CCDC117: variants seen among roughly 807,000 people sequenced by gnomAD.
CCDC117 encodes the protein coiled-coil domain containing 117, also known as coiled-coil domain-containing protein 117.
In CCDC117, 1 loss-of-function variant was observed where a neutral mutation model predicts 23.5. That is an observed-to-expected ratio of 0.04 (90% CI 0.02 to 0.20). The LOEUF (loss-of-function observed/expected upper bound fraction) is 0.20, where lower values mean the gene tolerates loss of function less well. Ranked by LOEUF, CCDC117 falls within the 10% of genes least tolerant of loss-of-function variation. The pLI is 1.00. For missense variants in CCDC117, 383 were observed against 348.2 expected (o/e 1.10, Z -0.80); for synonymous variants, 132 against 124.8 (o/e 1.06, Z -0.39).
chr22:28,777,210 A>G (rs2031190410), intron 2 of CCDC117, among the ~76,000 whole-genome samples: 1 of 151,364 alleles, frequency 6.6e-6, no homozygotes, highest in East Asian at 2.0e-4. Context: ...TATCTTTGGT[A>G]CAGACGGGGT....
chr22:28,784,958 T>G (rs913596222), intron 4 of CCDC117, among the ~76,000 whole-genome samples: 1 of 151,370 alleles, frequency 6.6e-6, no homozygotes, highest in East Asian at 2.0e-4. Context: ...TTTAGTAGAG[T>G]TGGAGTTTTC....
At position 28,787,929 on chromosome 22, in the gene CCDC117, C is replaced by T. The variant is rs958558875; in HGVS notation, c.*1603C>T. Reference sequence around the variant, plus strand: ...GAATTTTTAGAAACCACCTTCTAGGCGTTTTTGGAACCCTTACTGAAATCC... The same window carrying T: ...GAATTTTTAGAAACCACCTTCTAGGTGTTTTTGGAACCCTTACTGAAATCC... On this transcript the variant is annotated 3_prime_UTR_variant, in exon 5 of 5. Transcript: ENST00000249064. The T allele has an allele frequency of 3.3e-5, 5 of 152,516 alleles. No homozygotes were observed. Among genetic ancestry groups the T allele is most frequent in the African/African-American group, 7.2e-5 (3 of 41,416 alleles). The allele number at this position is 152,516 out of a possible 1,614,324, so 9.4% of individuals were successfully genotyped here. A position where few individuals can be genotyped will look rare whatever the true frequency, so the allele number is the denominator to read the frequency against.
In CCDC117 at chr22:28,788,809, A is replaced by C. The variant is rs532923500; in HGVS notation, c.*2483A>C. The C allele has an allele frequency of 6.5e-6, 1 of 152,712 alleles. No homozygotes were observed. The highest frequency in any genetic ancestry group is 2.1e-4 in the South Asian group (1 of 4,826). 9.5% of individuals were successfully genotyped at this position (152,712 alleles called of 1,614,324 possible). A position where few individuals can be genotyped will look rare whatever the true frequency, so the allele number is the denominator to read the frequency against. ...TGCCTTAAGAGTTCCCTAGGGAGTT[A>C]CCAGGGCTTTTCGTTTTGTGTAGCT... On this transcript the variant is annotated 3_prime_UTR_variant, in exon 5 of 5. Transcript: ENST00000249064.
In CCDC117 at chr22:28,772,924, G is replaced by A. The variant is rs2031028348; in HGVS notation, c.75G>A (p.Pro25=). The change falls in exon 1 of 5, where the codon CCG becomes CCA. Residue 25 remains proline, a synonymous_variant. Transcript: ENST00000249064. The part of the protein sequence containing the change: ...GGSDFLQPPQ[P]AFPGRAFPPG... ...CGGACTTCCTGCAGCCGCCGCAGCC[G>A]GCCTTCCCCGGCCGGGCCTTCCCGC... 3 of 1,224,232 alleles carry A rather than the reference G, an allele frequency of 2.5e-6. No homozygotes were observed. Among genetic ancestry groups the A allele is most frequent in the East Asian group, 6.5e-5 (2 of 30,564 alleles). The allele number at this position is 1,224,232 out of a possible 1,614,324, so 75.8% of individuals were successfully genotyped here.
intron 3 of CCDC117, among the ~76,000 whole-genome samples, chr22:28,782,920 G>A (rs957453241): frequency 1.3e-5 from 2 of 152,066 alleles, no homozygotes; most frequent in Admixed American, 6.6e-5. Context: ...ACTACTGAGC[G>A]TTTTCACTTA....
chr22:28,773,830 C>G, intron 2 of CCDC117, 52 bp downstream of exon 2: 2 of 1,352,722 alleles, frequency 1.5e-6, no homozygotes, highest in Non-Finnish European at 2.1e-6. Context: ...AGTTGAACCC[C>G]TGTTATAGTC....
Position 28,788,346 on chromosome 22 carries a change from G to T in CCDC117, c.*2020G>T, listed in dbSNP as rs1040567238. The T allele has an allele frequency of 6.6e-6, 1 of 152,592 alleles. No homozygotes were observed. Among genetic ancestry groups the T allele is most frequent in the African/African-American group, 2.4e-5 (1 of 41,420 alleles). The allele number at this position is 152,592 out of a possible 1,614,324, so 9.5% of individuals were successfully genotyped here. A position where few individuals can be genotyped will look rare whatever the true frequency, so the allele number is the denominator to read the frequency against. On this transcript the variant is annotated 3_prime_UTR_variant, in exon 5 of 5. Transcript: ENST00000249064. ...CTAATGCAACACAAAAACATGAAGTGACTGCCCAGAGGTAGAGTTAGTGTT... is the reference window on the plus strand; with the variant it reads ...CTAATGCAACACAAAAACATGAAGTTACTGCCCAGAGGTAGAGTTAGTGTT...
chr22:28,780,042 G>A (rs2031273878), intron 2 of CCDC117, among the ~76,000 whole-genome samples: 2 of 152,194 alleles, frequency 1.3e-5, no homozygotes, highest in Admixed American at 6.5e-5. Context: ...AGTAAAAATG[G>A]CATGGAGATA....
In CCDC117 at chr22:28,780,978, A is replaced by G; in HGVS notation, c.270A>G (p.Glu90=). ...CAGTAAGAAAGAAAAGGATAACTGA[A>G]GCAGAGCTCTGTGCTGGTCCTAATG... ...DCPVRKKRIT[E]AELCAGPNDW... is the part of the protein sequence containing the mutation. The change falls in exon 3 of 5, where the codon GAA becomes GAG. Residue 90 remains glutamate, a synonymous_variant. Transcript: ENST00000249064. 2 of 1,613,910 alleles carry G rather than the reference A, an allele frequency of 1.2e-6. No individual in the cohort carries two copies.
At chr22:28,778,098 G>C (rs1039727626) in intron 2 of CCDC117, among the ~76,000 whole-genome samples, 7 of 151,914 alleles carry the variant, frequency 4.6e-5, no homozygotes, top group Non-Finnish European at 7.4e-5. Context: ...GCCCGCCTCG[G>C]CCTCCCAAAG....
intron 2 of CCDC117, 100 bp from the exon 3 acceptor site, chr22:28,780,848 G>C (rs1354816463): frequency 1.2e-6 from 1 of 816,626 alleles, no homozygotes; most frequent in East Asian, 2.7e-5. Flanking sequence ...TGTCAAAAAA[G>C]CTAGTTTTTT....
intron 4 of CCDC117, among the ~76,000 whole-genome samples, chr22:28,785,107 G>T (rs559707176): frequency 4.0e-5 from 6 of 151,834 alleles, no homozygotes; most frequent in Non-Finnish European, 8.8e-5. Flanking sequence ...TTTTTGCTTC[G>T]TCTTTGGGCC....
At chr22:28,776,260 T>C (rs528714886) in intron 2 of CCDC117, among the ~76,000 whole-genome samples, 3 of 151,884 alleles carry the variant, frequency 2.0e-5, no homozygotes, top group South Asian at 4.2e-4. Flanking sequence ...TACAAAGAAA[T>C]AGCTGGTGTG....
At position 28,786,853 on chromosome 22, in the gene CCDC117, A is replaced by G. The variant is rs1341667518; in HGVS notation, c.*527A>G. ...GAAATTTAATTTCTTAGCAACTTGT[A>G]ATTTAGTTATCAATTCAATATAGCT... On this transcript the variant is annotated 3_prime_UTR_variant, in exon 5 of 5. Transcript: ENST00000249064. The G allele has an allele frequency of 6.5e-6, 1 of 153,362 alleles. No individual in the cohort carries two copies. The highest frequency in any genetic ancestry group is 1.9e-4 in the East Asian group (1 of 5,206). 9.5% of individuals were successfully genotyped at this position (153,362 alleles called of 1,614,324 possible). A position where few individuals can be genotyped will look rare whatever the true frequency, so the allele number is the denominator to read the frequency against.
In CCDC117 at chr22:28,789,280, T is replaced by A. The variant is rs896422304; in HGVS notation, c.*2954T>A. 1.3e-5 allele frequency: 2 copies of A among 152,220 alleles called. No homozygotes were observed. The highest frequency in any genetic ancestry group is 2.9e-5 in the Non-Finnish European group (2 of 68,030). 9.4% of individuals were successfully genotyped at this position (152,220 alleles called of 1,614,324 possible). On this transcript the variant is annotated 3_prime_UTR_variant, in exon 5 of 5. Coordinates refer to ENST00000249064, the MANE Select transcript of CCDC117 (RefSeq NM_173510.4). ...GTATTTTATCGTTTTCAATAAAACTTCTTAAGTGTTTTGGACTTTTGAGAT... is the reference window on the plus strand; with the variant it reads ...GTATTTTATCGTTTTCAATAAAACTACTTAAGTGTTTTGGACTTTTGAGAT...
At chr22:28,783,981 C>T (rs1166282986) in intron 4 of CCDC117, among the ~76,000 whole-genome samples, 1 of 152,158 alleles carries the variant, frequency 6.6e-6, no homozygotes, top group Non-Finnish European at 1.5e-5. Context: ...TCTTGTTTAC[C>T]TGGCTTTCTA....
intron 2 of CCDC117, among the ~76,000 whole-genome samples, chr22:28,779,148 G>GT (rs2031251847): frequency 1.3e-5 from 2 of 151,910 alleles, no homozygotes; most frequent in African/African-American, 2.4e-5. Context: ...TTTCTTAGCT[G>GT]TTTTTTGTAA....
chr22:28,775,664 C>T (rs893951280), intron 2 of CCDC117, among the ~76,000 whole-genome samples: 31 of 152,014 alleles, frequency 2.0e-4, no homozygotes, highest in African/African-American at 1.9e-4. Flanking sequence ...TTTGGGAAGC[C>T]GAGGCAGGTG....
intron 2 of CCDC117, among the ~76,000 whole-genome samples, chr22:28,778,817 A>G (rs1330341908): frequency 2.6e-5 from 4 of 152,268 alleles, no homozygotes; most frequent in Admixed American, 6.5e-5. Context: ...GTGCTATCAT[A>G]TTATCTTTGG....
Sources: gnomAD v4.1 joint callset for allele counts (sites outside exome capture counted in the v4.1 genomes callset) on GRCh38, gnomAD v4.1.1 for gene constraint, MANE v1.5 for transcripts, NCBI Gene and HGNC (gene_info 2026-07-23, HGNC 2026-07-21) for gene names.